Variants in CNIH3 observed in about 807,000 individuals in gnomAD.
CNIH3 encodes cornichon family AMPA receptor auxiliary protein 3.
A neutral mutation model predicts 24.1 loss-of-function variants in CNIH3; 14 were observed. The observed-to-expected ratio is 0.58, with a 90% CI of 0.38 to 0.91. CNIH3 has a LOEUF of 0.91. Among genes scored for constraint, CNIH3 ranks in the 40% least tolerant of loss-of-function variants. The pLI is 0.00. For missense variants in CNIH3, 178 were observed against 196.8 expected, an observed-to-expected ratio of 0.90 and a Z score of 0.57; for synonymous variants, 68 against 73.8, an observed-to-expected ratio of 0.92 and a Z score of 0.40.
intron 2 of CNIH3, among the ~76,000 whole-genome samples, chr1:224,529,690 G>A (rs996729078): frequency 9.9e-5 from 15 of 152,226 alleles, no homozygotes; most frequent in Admixed American, 5.9e-4. Flanking sequence ...GGGAGGCAGA[G>A]AGGGAAGGTT....
At chr1:224,617,402 C>G in intron 1 of CNIH3, 147 bp downstream of exon 1, 15 of 900,762 alleles carry the variant, frequency 1.7e-5, no homozygotes, top group Non-Finnish European at 2.5e-5. Context: ...GGAGGCAGTT[C>G]GCTGCATCCC....
At chr1:224,473,985 C>T (rs1676467798) in intron 1 of CNIH3, among the ~76,000 whole-genome samples, 1 of 152,122 alleles carries the variant, frequency 6.6e-6, no homozygotes, top group African/African-American at 2.4e-5. Context: ...AAACCAATAA[C>T]AGGAGGAATT....
chr1:224,648,681 T>TC (rs536420797), intron 1 of CNIH3, among the ~76,000 whole-genome samples: 1 of 152,026 alleles, frequency 6.6e-6, no homozygotes, highest in South Asian at 2.1e-4. Context: ...CCCAATTACT[T>TC]CCCCCCATGA....
intron 1 of CNIH3, among the ~76,000 whole-genome samples, chr1:224,454,021 G>C (rs1319168055): frequency 6.6e-6 from 1 of 152,156 alleles, no homozygotes; most frequent in South Asian, 2.1e-4. Context: ...CTAGTAGGAT[G>C]GTAATCATGA....
chr1:224,447,814 T>G (rs1350687543), intron 1 of CNIH3, among the ~76,000 whole-genome samples: 2 of 152,210 alleles, frequency 1.3e-5, no homozygotes, highest in Non-Finnish European at 2.9e-5. Context: ...TCTAAGTACT[T>G]TATAAATATT....
chr1:224,615,494 T>A (rs1361620826), upstream of CNIH3: 1 of 152,250 alleles, frequency 6.6e-6, no homozygotes. Context: ...CTAGGTTTTT[T>A]ACTTATGTTC....
chr1:224,460,850 G>A (rs2102982048), intron 1 of CNIH3, among the ~76,000 whole-genome samples: 1 of 151,280 alleles, frequency 6.6e-6, no homozygotes, highest in East Asian at 1.9e-4. Flanking sequence ...GCTCACTATG[G>A]CCTTAAACTC....
intron 3 of CNIH3, among the ~76,000 whole-genome samples, chr1:224,607,939 T>A (rs1251206710): frequency 6.6e-6 from 1 of 152,160 alleles, no homozygotes; most frequent in African/African-American, 2.4e-5. Context: ...TTTTAAAAAG[T>A]TATTGTGCAA....
chr1:224,566,433 A>G (rs1680583438), intron 4 of CNIH3, among the ~76,000 whole-genome samples: 1 of 152,056 alleles, frequency 6.6e-6, no homozygotes, highest in African/African-American at 2.4e-5. Context: ...AAGTTTTGTT[A>G]CATAGGTATA....
At chr1:224,506,089 G>A (rs1391963713) in intron 1 of CNIH3, among the ~76,000 whole-genome samples, 1 of 152,092 alleles carries the variant, frequency 6.6e-6, no homozygotes, top group Non-Finnish European at 1.5e-5. Context: ...ATACAATACT[G>A]AACAATTACG....
At chr1:224,534,631 C>T (rs1432916198) in intron 2 of CNIH3, among the ~76,000 whole-genome samples, 1 of 152,158 alleles carries the variant, frequency 6.6e-6, no homozygotes, top group Non-Finnish European at 1.5e-5. Flanking sequence ...GTAATGGACT[C>T]AGCAGAGAAA....
chr1:224,452,007 C>T (rs932018157), intron 1 of CNIH3, among the ~76,000 whole-genome samples: 2 of 152,170 alleles, frequency 1.3e-5, no homozygotes, highest in Non-Finnish European at 2.9e-5. Flanking sequence ...AGAGTCGCCA[C>T]GCTTTCCTAT....
At chr1:224,641,722 C>T (rs1488533314) in intron 1 of CNIH3, among the ~76,000 whole-genome samples, 2 of 152,234 alleles carry the variant, frequency 1.3e-5, no homozygotes, top group African/African-American at 2.4e-5. Context: ...GGCCAACTCT[C>T]AGAGGATGCG....
intron 1 of CNIH3, among the ~76,000 whole-genome samples, chr1:224,507,744 G>A (rs1203268323): frequency 6.6e-6 from 1 of 152,204 alleles, no homozygotes; most frequent in African/African-American, 2.4e-5. Context: ...AGACTTACCA[G>A]TGCGGGAGGC....
intron 1 of CNIH3, chr1:224,665,010 A>T (rs1685529884): frequency 1.3e-5 from 2 of 152,046 alleles, no homozygotes; most frequent in Admixed American, 1.3e-4. Context: ...CCTGGGTCTA[A>T]TTTTTATTTT....
At chr1:224,463,570 C>G (rs1020162889) in intron 1 of CNIH3, among the ~76,000 whole-genome samples, 1 of 150,860 alleles carries the variant, frequency 6.6e-6, no homozygotes, top group African/African-American at 2.4e-5. Flanking sequence ...CCATGCCCGG[C>G]TAATTTTGTA....
intron 3 of CNIH3, among the ~76,000 whole-genome samples, chr1:224,561,144 A>T (rs1680357747): frequency 6.6e-6 from 1 of 152,068 alleles, no homozygotes; most frequent in South Asian, 2.1e-4. Flanking sequence ...CCTCTTAGTT[A>T]TATGTATTAA....
chr1:224,475,600 G>A (rs878919536), intron 1 of CNIH3, among the ~76,000 whole-genome samples: 1 of 152,088 alleles, frequency 6.6e-6, no homozygotes, highest in African/African-American at 2.4e-5. Flanking sequence ...TAAAAATTTC[G>A]TCAGCAAAGA....
At chr1:224,587,100 C>T (rs894035169) in intron 5 of CNIH3, 1 of 152,214 alleles carries the variant, frequency 6.6e-6, no homozygotes, top group Non-Finnish European at 1.5e-5. Flanking sequence ...AGTGCTGGAG[C>T]TTTGGGTCAT....
Sources: allele counts gnomAD v4.1 joint callset (sites outside exome capture counted in the v4.1 genomes callset), GRCh38; gene constraint gnomAD v4.1.1; transcripts MANE v1.5; gene names NCBI Gene and HGNC (gene_info 2026-07-23, HGNC 2026-07-21).